MGAT5: variants seen among roughly 807,000 people sequenced by gnomAD.
The protein encoded by MGAT5 is alpha-1,6-mannosylglycoprotein 6-beta-N-acetylglucosaminyltransferase A.
MGAT5 carries 30 observed loss-of-function variants against 94.3 expected under a neutral mutation model. That is an observed-to-expected ratio of 0.32 (90% CI 0.24 to 0.43). The LOEUF (loss-of-function observed/expected upper bound fraction) is 0.43, where lower values mean the gene tolerates loss of function less well. Ranked by LOEUF, MGAT5 falls within the 20% of genes least tolerant of loss-of-function variation. MGAT5 has a pLI of 1.00. For synonymous variants in MGAT5, 310 were observed against 322.9 expected (o/e 0.96, Z 0.43); for missense variants, 691 against 905.5 (o/e 0.76, Z 3.04).
At chr2:134,170,949 C>T (rs1206845188) in intron 1 of MGAT5, among the ~76,000 whole-genome samples, 1 of 151,644 alleles carries the variant, frequency 6.6e-6, no homozygotes, top group Admixed American at 6.6e-5. Context: ...ACCTCTGCCT[C>T]CTGGGTCCAA....
chr2:134,351,305 T>C (rs773015136), intron 9 of MGAT5, among the ~76,000 whole-genome samples: 4 of 152,172 alleles, frequency 2.6e-5, no homozygotes, highest in Non-Finnish European at 4.4e-5. Context: ...TTGACTTTGC[T>C]GTGTAACTTT....
rs143388412 is a variant in MGAT5 at position 134,411,324 on chromosome 2, G to A, written c.1531-1545G>A. Among the ~76,000 whole-genome samples, 363 of 152,060 alleles carry A rather than the reference G, an allele frequency of 2.4e-3. 3 individuals carry two copies. Among genetic ancestry groups the A allele is most frequent in the African/African-American group, 7.4e-3 (307 of 41,484 alleles). ...TTCCTCACCACCATCACCCCCACCC[G>A]TGATCTCTGGTGGTTCTGCTGCCCA... On this transcript the variant is annotated intron_variant, in intron 11 of 15. Coordinates refer to ENST00000281923, the MANE Select transcript of MGAT5 (RefSeq NM_002410.5).
intron 4 of MGAT5, among the ~76,000 whole-genome samples, chr2:134,321,873 G>T (rs149009367): frequency 1.4e-3 from 212 of 152,300 alleles, no homozygotes; most frequent in Middle Eastern, 6.8e-3. Flanking sequence ...GAGATAACTA[G>T]GGACCCCTTC....
At chr2:134,324,778 T>G (rs1378098254) in intron 4 of MGAT5, among the ~76,000 whole-genome samples, 1 of 152,052 alleles carries the variant, frequency 6.6e-6, no homozygotes, top group Non-Finnish European at 1.5e-5. Context: ...TTTAAAAATA[T>G]CACCGGATTG....
intron 1 of MGAT5, among the ~76,000 whole-genome samples, chr2:134,219,368 AC>A (rs796538556): frequency 1.2e-3 from 188 of 151,956 alleles, no homozygotes; most frequent in African/African-American, 4.3e-3. Context: ...AGGTGGGAAA[AC>A]CTGCTGTGAG....
At chr2:134,290,909 T>G (rs1685306383) in intron 2 of MGAT5, among the ~76,000 whole-genome samples, 1 of 152,206 alleles carries the variant, frequency 6.6e-6, no homozygotes, top group Admixed American at 6.5e-5. Context: ...GAGGATCAAT[T>G]ATGTGACTCA....
At chr2:134,368,798 C>T (rs1218137905) in intron 10 of MGAT5, among the ~76,000 whole-genome samples, 2 of 152,194 alleles carry the variant, frequency 1.3e-5, no homozygotes, top group African/African-American at 4.8e-5. Context: ...GTACCTACTC[C>T]TCTCTGGCTC....
upstream of MGAT5, among the ~76,000 whole-genome samples, chr2:134,249,213 CT>C (rs895169077): frequency 6.6e-6 from 1 of 150,562 alleles, no homozygotes; most frequent in African/African-American, 2.4e-5. Flanking sequence ...GGCTTGCTTT[CT>C]TTTTTCTTTT....
chr2:134,332,926 C>G (rs1573833635), intron 4 of MGAT5, among the ~76,000 whole-genome samples: 1 of 152,074 alleles, frequency 6.6e-6, no homozygotes, highest in East Asian at 1.9e-4. Flanking sequence ...ATTAAAAAGT[C>G]AGGAAACAAC....
chr2:134,140,785 C>T (rs536999754), intron 1 of MGAT5, among the ~76,000 whole-genome samples: 6 of 152,248 alleles, frequency 3.9e-5, no homozygotes, highest in African/African-American at 1.4e-4. Context: ...AAAGTGCTAG[C>T]TGGGCACTAC....
intron 1 of MGAT5, among the ~76,000 whole-genome samples, chr2:134,131,854 C>T (rs1686191539): frequency 6.6e-6 from 1 of 152,190 alleles, no homozygotes; most frequent in Admixed American, 6.5e-5. Flanking sequence ...CCGCCACCTC[C>T]ATGAGATCGT....
intron 11 of MGAT5, among the ~76,000 whole-genome samples, chr2:134,407,317 T>A (rs911330292): frequency 6.6e-6 from 1 of 152,180 alleles, no homozygotes; most frequent in Admixed American, 6.5e-5. Flanking sequence ...GCAGGTTTCA[T>A]CCTAGTGAGC....
At chr2:134,338,558 G>C (rs765027698) in intron 6 of MGAT5, 138 bp downstream of exon 6, 1 of 937,744 alleles carries the variant, frequency 1.1e-6, no homozygotes, top group Admixed American at 3.5e-5. Flanking sequence ...CTCTTGTACA[G>C]CTGTTTTTGG....
At chr2:134,399,655 A>T (rs1682923669) in intron 10 of MGAT5, among the ~76,000 whole-genome samples, 2 of 152,270 alleles carry the variant, frequency 1.3e-5, no homozygotes, top group South Asian at 2.1e-4. Context: ...ATCTCCAGAG[A>T]TCTGTTGGTG....
intron 12 of MGAT5, among the ~76,000 whole-genome samples, chr2:134,418,625 A>G (rs987583073): frequency 1.3e-5 from 2 of 152,230 alleles, no homozygotes; most frequent in African/African-American, 4.8e-5. Flanking sequence ...GTGGAAGTGC[A>G]TGAAGAAATA....
intron 9 of MGAT5, among the ~76,000 whole-genome samples, chr2:134,359,164 CTCAA>C (rs1442905269): frequency 2.0e-5 from 3 of 152,204 alleles, no homozygotes. Context: ...GCACAAGATA[CTCAA>C]GAAACTGAGG....
chr2:134,175,013 G>A (rs1188392209), intron 1 of MGAT5, among the ~76,000 whole-genome samples: 1 of 152,310 alleles, frequency 6.6e-6, no homozygotes, highest in South Asian at 2.1e-4. Flanking sequence ...GGCGAGGTGG[G>A]TGAAACCTTG....
intron 2 of MGAT5, among the ~76,000 whole-genome samples, chr2:134,283,282 G>T (rs1684811995): frequency 7.2e-6 from 1 of 139,468 alleles, no homozygotes; most frequent in South Asian, 2.3e-4. Flanking sequence ...GAAAGTGTCT[G>T]TGGAGGGAGG....
chr2:134,350,010 A>G (rs1679267520), intron 9 of MGAT5, 72 bp downstream of exon 9: 1 of 1,564,330 alleles, frequency 6.4e-7, no homozygotes, highest in South Asian at 1.1e-5. Context: ...GCCGCCATCT[A>G]TTTTGGGTTA....
Sources: gnomAD v4.1 joint callset for allele counts (sites outside exome capture counted in the v4.1 genomes callset) on GRCh38, gnomAD v4.1.1 for gene constraint, MANE v1.5 for transcripts, NCBI Gene and HGNC (gene_info 2026-07-23, HGNC 2026-07-21) for gene names.